CHST11: variants seen among roughly 807,000 people sequenced by gnomAD.
CHST11 encodes C4S-1.
Under a neutral mutation model 30.4 loss-of-function variants are expected in CHST11, and 9 were observed. The observed-to-expected ratio is 0.30, with a 90% CI of 0.18 to 0.52. The LOEUF (loss-of-function observed/expected upper bound fraction) is 0.52. CHST11 is among the 20% of genes least tolerant of loss of function. The pLI, the probability that CHST11 is intolerant of heterozygous loss-of-function variation, is 0.97. For missense variants in CHST11, 348 were observed against 460.6 expected, an observed-to-expected ratio of 0.76 and a Z score of 2.24; for synonymous variants, 152 against 187.8, an observed-to-expected ratio of 0.81 and a Z score of 1.56.
At chr12:104,556,427 G>C (rs557538733) in intron 1 of CHST11, among the ~76,000 whole-genome samples, 1 of 152,300 alleles carries the variant, frequency 6.6e-6, no homozygotes, top group African/African-American at 2.4e-5. Context: ...CATAAAGTGG[G>C]TTGCTTGAAA....
chr12:104,747,372 A>G (rs919373700), intron 2 of CHST11, among the ~76,000 whole-genome samples: 1 of 152,218 alleles, frequency 6.6e-6, no homozygotes, highest in African/African-American at 2.4e-5. Context: ...ACAAGTTGAA[A>G]ATACTAATGA....
intron 1 of CHST11, among the ~76,000 whole-genome samples, chr12:104,487,273 G>GT (rs2037688993): frequency 6.6e-6 from 1 of 151,966 alleles, no homozygotes; most frequent in African/African-American, 2.4e-5. Context: ...TTTTTGTTTT[G>GT]TTTTTCTTGA....
At chr12:104,744,323 G>C (rs1334451647) in intron 2 of CHST11, among the ~76,000 whole-genome samples, 2 of 152,096 alleles carry the variant, frequency 1.3e-5, no homozygotes, top group Admixed American at 6.5e-5. Context: ...GTATCTCATT[G>C]TGGGTTTGAT....
In CHST11 at chr12:104,757,949, C is replaced by A; in HGVS notation, c.*146C>A. The A allele has an allele frequency of 2.2e-6, 2 of 911,778 alleles. No individual in the cohort carries two copies. The highest frequency in any genetic ancestry group is 3.2e-6 in the Non-Finnish European group (2 of 622,726). 56.5% of individuals were successfully genotyped at this position (911,778 alleles called of 1,614,324 possible). A position where few individuals can be genotyped will look rare whatever the true frequency, so the allele number is the denominator to read the frequency against. On this transcript the variant is annotated 3_prime_UTR_variant, in exon 3 of 3. Transcript: ENST00000303694. This position sits in a 1 kb window ranked among gnomAD's most constrained non-coding sequence, Gnocchi z 6.5. Reference sequence around the variant, plus strand: ...CAGCATAGTGAGAATTATTTAAAATCCTTCGTAGGGAAGGACAGCTGTCTT... The same window carrying A: ...CAGCATAGTGAGAATTATTTAAAATACTTCGTAGGGAAGGACAGCTGTCTT...
Position 104,574,817 on chromosome 12 carries a change from C to T in CHST11, c.119-27089C>T, listed in dbSNP as rs189163155. 6.2e-4 allele frequency among the ~76,000 whole-genome samples: 94 copies of T among 150,902 alleles called. 1 individual carries two copies. Among genetic ancestry groups the T allele is most frequent in the African/African-American group, 2.2e-3 (92 of 40,910 alleles). ...GCACATGTATGCCTATGTAACAAAC[C>T]TGTACATTGTGCACATGTACCCTAA... On this transcript the variant is annotated intron_variant, in intron 1 of 2. Coordinates refer to ENST00000303694, the MANE Select transcript of CHST11 (RefSeq NM_018413.6).
chr12:104,470,125 C>T (rs56800418), intron 1 of CHST11, among the ~76,000 whole-genome samples: 1 of 152,128 alleles, frequency 6.6e-6, no homozygotes, highest in Non-Finnish European at 1.5e-5. Context: ...GTTAAACATC[C>T]TACAATGGAT....
At chr12:104,588,169 G>A (rs1438593729) in intron 1 of CHST11, among the ~76,000 whole-genome samples, 1 of 151,666 alleles carries the variant, frequency 6.6e-6, no homozygotes. Flanking sequence ...TTATAGAGCC[G>A]TACAGCATCC....
chr12:104,686,959 TTTTTG>T (rs2039852518), intron 2 of CHST11, among the ~76,000 whole-genome samples: 1 of 152,246 alleles, frequency 6.6e-6, no homozygotes, highest in Non-Finnish European at 1.5e-5. Flanking sequence ...TTCTTGTTTC[TTTTTG>T]TTTTGTTTTA....
rs979176628 is a variant in CHST11, at chr12:104,757,864, A to G, written c.*61A>G. The G allele has an allele frequency of 2.1e-6, 3 of 1,448,874 alleles. No individual in the cohort carries two copies. Among genetic ancestry groups the G allele is most frequent in the Non-Finnish European group, 2.8e-6 (3 of 1,067,860 alleles). 89.8% of individuals were successfully genotyped at this position (1,448,874 alleles called of 1,614,324 possible). On this transcript the variant is annotated 3_prime_UTR_variant, in exon 3 of 3. Coordinates refer to ENST00000303694, the MANE Select transcript of CHST11 (RefSeq NM_018413.6). This position sits in a 1 kb window ranked among gnomAD's most constrained non-coding sequence, Gnocchi z 6.5. Reference sequence around the variant, plus strand: ...ATTTAAGATTTTTATTTGTCAAAAGAATTATATGGATATTGGGTTATTTTG... The same window carrying G: ...ATTTAAGATTTTTATTTGTCAAAAGGATTATATGGATATTGGGTTATTTTG...
At chr12:104,546,299 A>G (rs990050257) in intron 1 of CHST11, among the ~76,000 whole-genome samples, 1 of 150,952 alleles carries the variant, frequency 6.6e-6, no homozygotes, top group Non-Finnish European at 1.5e-5. Flanking sequence ...ACAAGACCCC[A>G]TCTCTACAAA....
At chr12:104,697,034 A>C (rs2039953458) in intron 2 of CHST11, among the ~76,000 whole-genome samples, 1 of 152,176 alleles carries the variant, frequency 6.6e-6, no homozygotes, top group Non-Finnish European at 1.5e-5. Context: ...TAGACAGATA[A>C]ATTGCTTCCA....
intron 2 of CHST11, among the ~76,000 whole-genome samples, chr12:104,709,909 A>G (rs73191449): frequency 0.015 from 2,273 of 152,304 alleles, 17 homozygotes; most frequent in Middle Eastern, 0.024. Flanking sequence ...GTTATTCAAA[A>G]CTTTCAGCTG....
intron 2 of CHST11, among the ~76,000 whole-genome samples, chr12:104,606,407 A>G (rs1330191662): frequency 6.6e-6 from 1 of 152,232 alleles, no homozygotes; most frequent in African/African-American, 2.4e-5. Context: ...ATTACTATTT[A>G]CTAAATGTAT....
chr12:104,477,663 C>T (rs1359375406), intron 1 of CHST11, among the ~76,000 whole-genome samples: 1 of 152,074 alleles, frequency 6.6e-6, no homozygotes, highest in Non-Finnish European at 1.5e-5. Flanking sequence ...GGAAGTGGGA[C>T]CTTTCCAGAC....
intron 1 of CHST11, among the ~76,000 whole-genome samples, chr12:104,527,197 C>T (rs968019059): frequency 2.6e-5 from 4 of 152,206 alleles, no homozygotes; most frequent in African/African-American, 9.6e-5. Flanking sequence ...TCCAGTCTGA[C>T]TGATGGGCAC....
At chr12:104,487,728 A>AT (rs11442051) in intron 1 of CHST11, among the ~76,000 whole-genome samples, 68,408 of 147,464 alleles carry the variant, frequency 0.46, 16,185 homozygotes, top group East Asian at 0.95. Flanking sequence ...GTATGTACCT[A>AT]TTTTTTTTTT....
intron 2 of CHST11, among the ~76,000 whole-genome samples, chr12:104,630,602 A>G (rs966112945): frequency 2.6e-5 from 4 of 152,196 alleles, no homozygotes; most frequent in African/African-American, 9.7e-5. Flanking sequence ...CCGAAAGGGA[A>G]ACTGACAGCT....
At chr12:104,584,605 C>T (rs976941545) in intron 1 of CHST11, among the ~76,000 whole-genome samples, 2 of 152,176 alleles carry the variant, frequency 1.3e-5, no homozygotes, top group Non-Finnish European at 2.9e-5. Flanking sequence ...TGTGTTTACA[C>T]AACCAAGGTC....
chr12:104,464,423 C>T (rs1319384243), intron 1 of CHST11, among the ~76,000 whole-genome samples: 1 of 152,080 alleles, frequency 6.6e-6, no homozygotes, highest in Non-Finnish European at 1.5e-5. Context: ...GTTAAGTGGT[C>T]ACCATATAAG....
Sources: gnomAD v4.1 joint callset for allele counts (sites outside exome capture counted in the v4.1 genomes callset) on GRCh38, gnomAD v4.1.1 for gene constraint, Gnocchi (gnomAD v3.1) non-coding constraint, MANE v1.5 for transcripts, NCBI Gene and HGNC (gene_info 2026-07-23, HGNC 2026-07-21) for gene names.